CSMD1: variants seen among roughly 807,000 people sequenced by gnomAD.
The protein encoded by CSMD1 is CUB and Sushi multiple domains 1, also known as CUB and sushi domain-containing protein 1.
A neutral mutation model predicts 417.5 loss-of-function variants in CSMD1; 213 were observed. The observed-to-expected ratio is 0.51, with a 90% CI of 0.46 to 0.57. CSMD1 has a LOEUF of 0.57. Among genes scored for constraint, CSMD1 ranks in the 20% least tolerant of loss-of-function variants. The probability of loss-of-function intolerance (pLI) is 0.00; values close to 1 mark genes in which losing one functional copy is unlikely to be tolerated. For missense variants in CSMD1, 6,923 were observed against 4,529.7 expected (o/e 1.53, Z -15.17); for synonymous variants, 2,862 against 1,736.8 (o/e 1.65, Z -16.11).
At chr8:3,967,571 G>A (rs1310460541) in intron 5 of CSMD1, among the ~76,000 whole-genome samples, 1 of 152,104 alleles carries the variant, frequency 6.6e-6, no homozygotes, top group African/African-American at 2.4e-5. Context: ...AATATCACCA[G>A]CTTGACCTCT....
chr8:3,802,122 A>G (rs746014216), intron 5 of CSMD1, among the ~76,000 whole-genome samples: 8 of 152,192 alleles, frequency 5.3e-5, no homozygotes, highest in Non-Finnish European at 1.0e-4. Context: ...TAAAAAGGTA[A>G]AATAAAAATA....
chr8:3,636,543 G>A (rs1438956838), intron 7 of CSMD1, among the ~76,000 whole-genome samples: 4 of 152,326 alleles, frequency 2.6e-5, no homozygotes, highest in African/African-American at 7.2e-5. Flanking sequence ...CCTACCATCT[G>A]TTCCTGAGGA....
intron 1 of CSMD1, among the ~76,000 whole-genome samples, chr8:4,835,320 T>C (rs1324087064): frequency 6.6e-6 from 1 of 152,078 alleles, no homozygotes; most frequent in Non-Finnish European, 1.5e-5. Flanking sequence ...TGGAGACAGG[T>C]TGACCATGAG....
intron 3 of CSMD1, among the ~76,000 whole-genome samples, chr8:4,345,373 T>C (rs934371905): frequency 2.0e-5 from 3 of 152,142 alleles, no homozygotes; most frequent in Non-Finnish European, 4.4e-5. Context: ...CATGTAATTA[T>C]ACACACTTAT....
chr8:4,695,327 T>TA (rs561894903), intron 1 of CSMD1, among the ~76,000 whole-genome samples: 1 of 152,064 alleles, frequency 6.6e-6, no homozygotes, highest in Non-Finnish European at 1.5e-5. Flanking sequence ...AATAACTTCA[T>TA]TCAGCCTACA....
intron 7 of CSMD1, among the ~76,000 whole-genome samples, chr8:3,677,495 C>T (rs574149288): frequency 2.6e-5 from 4 of 152,178 alleles, no homozygotes; most frequent in African/African-American, 7.2e-5. Flanking sequence ...CAGAAGACAT[C>T]AGGAGACACA....
rs145458974 is a variant in CSMD1 at position 3,151,009 on chromosome 8, G to C, written c.6031+388C>G. Among the ~76,000 whole-genome samples, 430 of 151,924 alleles carry C rather than the reference G, an allele frequency of 2.8e-3. 2 individuals are homozygous for C. Among genetic ancestry groups the C allele is most frequent in the South Asian group, 4.6e-3 (22 of 4,802 alleles). On this transcript the variant is annotated intron_variant, in intron 40 of 69. Coordinates refer to ENST00000635120, the MANE Select transcript of CSMD1 (RefSeq NM_033225.6). ...TTGAAAGTTGTTTTATATTTAAAAG[G>C]AGTCATAACCTTTAAAAAGCCTTCA...
intron 1 of CSMD1, among the ~76,000 whole-genome samples, chr8:4,657,320 G>C (rs535437467): frequency 5.3e-5 from 8 of 152,272 alleles, no homozygotes; most frequent in African/African-American, 1.7e-4. Flanking sequence ...AGCACACAAA[G>C]GGTCAACTGG....
intron 3 of CSMD1, among the ~76,000 whole-genome samples, chr8:4,271,255 G>A (rs1246194774): frequency 6.6e-6 from 1 of 152,166 alleles, no homozygotes; most frequent in Non-Finnish European, 1.5e-5. Context: ...GGACACTCAG[G>A]ACCATGAAGC....
intron 1 of CSMD1, among the ~76,000 whole-genome samples, chr8:4,887,913 C>G (rs6982428): frequency 6.6e-6 from 1 of 151,662 alleles, no homozygotes; most frequent in Non-Finnish European, 1.5e-5. Context: ...TGAACATACA[C>G]GTATTTTTTA....
intron 5 of CSMD1, among the ~76,000 whole-genome samples, chr8:3,892,235 G>A (rs1435649426): frequency 6.6e-6 from 1 of 152,150 alleles, no homozygotes; most frequent in African/African-American, 2.4e-5. Flanking sequence ...CTGAGGTCAA[G>A]CATTTACTCA....
chr8:4,620,536 T>G (rs1011813137), intron 2 of CSMD1, among the ~76,000 whole-genome samples: 11 of 151,652 alleles, frequency 7.3e-5, no homozygotes, highest in African/African-American at 9.7e-5. Context: ...TCAAGAAATC[T>G]AAAGAATAAA....
At chr8:3,731,201 C>G (rs1288274258) in intron 6 of CSMD1, among the ~76,000 whole-genome samples, 1 of 152,200 alleles carries the variant, frequency 6.6e-6, no homozygotes, top group East Asian at 1.9e-4. Flanking sequence ...ACCCATTAAG[C>G]AGTTTCTCCA....
intron 1 of CSMD1, among the ~76,000 whole-genome samples, chr8:4,889,108 A>C (rs1213501151): frequency 6.6e-6 from 1 of 152,132 alleles, no homozygotes; most frequent in African/African-American, 2.4e-5. Flanking sequence ...GAATATGTGC[A>C]ATGTCCGAAA....
chr8:4,705,196 C>G (rs1346842087), intron 1 of CSMD1, among the ~76,000 whole-genome samples: 1 of 152,130 alleles, frequency 6.6e-6, no homozygotes, highest in East Asian at 1.9e-4. Flanking sequence ...CCTTCCCACC[C>G]ATGAAGAACT....
At chr8:3,901,383 A>G (rs147395424) in intron 5 of CSMD1, among the ~76,000 whole-genome samples, 9 of 152,338 alleles carry the variant, frequency 5.9e-5, no homozygotes, top group Admixed American at 1.3e-4. Context: ...GAAGATGGGC[A>G]TATTTCAGTA....
At chr8:4,650,536 G>A (rs1195553674) in intron 1 of CSMD1, among the ~76,000 whole-genome samples, 5 of 151,798 alleles carry the variant, frequency 3.3e-5, no homozygotes, top group Non-Finnish European at 5.9e-5. Flanking sequence ...TTGGTTTTGC[G>A]ACGTGATGCT....
At chr8:3,838,696 A>G (rs1409970741) in intron 5 of CSMD1, among the ~76,000 whole-genome samples, 3 of 17,234 alleles carry the variant, frequency 1.7e-4, no homozygotes, top group East Asian at 1.6e-3. Flanking sequence ...AATATATAAT[A>G]AATATTATAT....
chr8:4,320,033 T>A (rs1225000176), intron 3 of CSMD1, among the ~76,000 whole-genome samples: 2 of 151,816 alleles, frequency 1.3e-5, no homozygotes, highest in African/African-American at 4.8e-5. Flanking sequence ...ACCTCAACAA[T>A]GAAAAAAATG....
Sources: allele counts gnomAD v4.1 joint callset (sites outside exome capture counted in the v4.1 genomes callset), GRCh38; gene constraint gnomAD v4.1.1; transcripts MANE v1.5; gene names NCBI Gene and HGNC (gene_info 2026-07-23, HGNC 2026-07-21).